The following DDX60 variants were observed in gnomAD, a reference collection of about 807,000 sequenced individuals.
DDX60 encodes the protein probable ATP-dependent RNA helicase DDX60.
A neutral mutation model predicts 212.8 loss-of-function variants in DDX60; 165 were observed. That is an observed-to-expected ratio of 0.78 (90% CI 0.68 to 0.88). The LOEUF (loss-of-function observed/expected upper bound fraction) is 0.88. Ranked by LOEUF, DDX60 falls within the 40% of genes least tolerant of loss-of-function variation. The pLI is 0.00. For synonymous variants in DDX60, 703 were observed against 685.3 expected (o/e 1.03, Z -0.40); for missense variants, 1,905 against 2,003.9 (o/e 0.95, Z 0.94).
At chr4:168,294,384 G>A (rs1736248984) in intron 6 of DDX60, among the ~76,000 whole-genome samples, 1 of 152,032 alleles carries the variant, frequency 6.6e-6, no homozygotes, top group African/African-American at 2.4e-5. Flanking sequence ...CAAAAGCACA[G>A]GCAACAAAAG....
At chr4:168,312,747 T>TAGATAGATAGATAGATAGATAGATA (rs915120579) in intron 1 of DDX60, among the ~76,000 whole-genome samples, 16 of 144,440 alleles carry the variant, frequency 1.1e-4, no homozygotes, top group African/African-American at 3.9e-4. Flanking sequence ...GATAGATAGA[T>TAGATAGATAGATAGATAGATAGATA]ATGATAGAGA....
At chr4:168,257,750 T>C (rs1446043889) in intron 25 of DDX60, among the ~76,000 whole-genome samples, 2 of 152,218 alleles carry the variant, frequency 1.3e-5, no homozygotes, top group South Asian at 2.1e-4. Context: ...TCCAAATATG[T>C]TGACTATATT....
chr4:168,217,046 A>G lies in DDX60; in HGVS notation c.5040-14T>C. 6.4e-7 allele frequency: 1 copy of G among 1,563,092 alleles called. No individual in the cohort carries two copies. Among genetic ancestry groups the G allele is most frequent in the Non-Finnish European group, 8.8e-7 (1 of 1,141,368 alleles). ...CGCAAGGAAACACTGGAAATGGGGA[A>G]AAAAATATAGGATCCACTTTAGTGA... is the stretch of plus-strand genomic sequence containing the variant. On this transcript the variant is annotated splice_polypyrimidine_tract_variant and intron_variant, in intron 37 of 37. Transcript: ENST00000393743.
At chr4:168,239,662 CT>C (rs1733770011) in intron 30 of DDX60, among the ~76,000 whole-genome samples, 1 of 151,964 alleles carries the variant, frequency 6.6e-6, no homozygotes, top group African/African-American at 2.4e-5. Context: ...ATGTATATGT[CT>C]CAGGGACGAT....
intron 22 of DDX60, among the ~76,000 whole-genome samples, chr4:168,266,191 T>C (rs1237958073): frequency 1.3e-5 from 2 of 152,226 alleles, no homozygotes; most frequent in Non-Finnish European, 2.9e-5. Context: ...TGCCTCACTT[T>C]CCTCATTGTA....
At position 168,311,310 on chromosome 4, in the gene DDX60, C is replaced by T; in HGVS notation, c.-51G>A. 6.2e-7 allele frequency: 1 copy of T among 1,604,974 alleles called. No homozygotes were observed. Among genetic ancestry groups the T allele is most frequent in the East Asian group, 2.2e-5 (1 of 44,792 alleles). On this transcript the variant is annotated 5_prime_UTR_variant, in exon 2 of 38. Transcript: ENST00000393743. ...CTGAACTGGCAAGTATTAAAGGTAGCAAATACCCTTTATTTTGGTACCTCT... is the reference window on the plus strand; with the variant it reads ...CTGAACTGGCAAGTATTAAAGGTAGTAAATACCCTTTATTTTGGTACCTCT...
Position 168,219,605 on chromosome 4 carries a change from T to A in DDX60, c.5039+1050A>T, listed in dbSNP as rs574390389. 2.6e-5 allele frequency among the ~76,000 whole-genome samples: 4 copies of A among 152,236 alleles called. No individual in the cohort carries two copies. In the East Asian group the frequency reaches 7.7e-4, roughly 29 times the overall value. ...TCCAAACAGGCCGATTCTGCTCAGA[T>A]CCAAGATATAAAAAGAGACTTGATT... On this transcript the variant is annotated intron_variant, in intron 37 of 37. Coordinates refer to ENST00000393743, the MANE Select transcript of DDX60 (RefSeq NM_017631.6).
rs1432714039 is a variant in DDX60, at chr4:168,237,292, T to C, written c.4405A>G (p.Arg1469Gly). 2 of 1,545,682 alleles carry C rather than the reference T, an allele frequency of 1.3e-6. No homozygotes were observed. Among genetic ancestry groups the C allele is most frequent in the South Asian group, 1.3e-5 (1 of 76,204 alleles). ...GLFHDLCQPTRKGSKHFSQDV... is the reference protein window; with the variant it reads ...GLFHDLCQPTGKGSKHFSQDV... The stretch of plus-strand genomic sequence containing the variant: ...TATAAAATCTCAAGCTTACCTTTCC[T>C]GGTTGGCTGACAGAGATCATGGAAG... The change falls in exon 32 of 38, where the codon AGG (arginine) becomes GGG (glycine). Residue 1469 changes from arginine (R) to glycine (G), a missense_variant. Coordinates refer to ENST00000393743, the MANE Select transcript of DDX60 (RefSeq NM_017631.6).
chr4:168,241,030 T>C (rs1314934714), intron 30 of DDX60, among the ~76,000 whole-genome samples: 2 of 152,200 alleles, frequency 1.3e-5, no homozygotes, highest in African/African-American at 2.4e-5. Flanking sequence ...GTTCTCCTAA[T>C]AGTGAATATG....
intron 14 of DDX60, among the ~76,000 whole-genome samples, chr4:168,277,175 C>G (rs1194093186): frequency 6.6e-6 from 1 of 152,158 alleles, no homozygotes; most frequent in African/African-American, 2.4e-5. Context: ...CTCTTCTTTT[C>G]TTTTTTACTA....
At chr4:168,302,759 G>A (rs1363399897) in intron 5 of DDX60, among the ~76,000 whole-genome samples, 1 of 151,976 alleles carries the variant, frequency 6.6e-6, no homozygotes, top group African/African-American at 2.4e-5. Flanking sequence ...AACACTTCCA[G>A]CACCCTCCAA....
chr4:168,294,793 C>T (rs912301864), intron 6 of DDX60, among the ~76,000 whole-genome samples: 8 of 152,128 alleles, frequency 5.3e-5, no homozygotes, highest in South Asian at 2.1e-4. Flanking sequence ...TGAGCCACCG[C>T]GCCCAGCCAA....
At chr4:168,300,553 G>A (rs982707966) in intron 6 of DDX60, among the ~76,000 whole-genome samples, 3 of 151,238 alleles carry the variant, frequency 2.0e-5, no homozygotes, top group South Asian at 2.1e-4. Context: ...AAAAAAAGAA[G>A]CTACGATCTA....
intron 30 of DDX60, among the ~76,000 whole-genome samples, chr4:168,239,369 A>G (rs1222460168): frequency 7.7e-6 from 1 of 129,070 alleles, no homozygotes; most frequent in Non-Finnish European, 1.7e-5. Flanking sequence ...GAGAGATGAT[A>G]GAAGGAAGAT....
At chr4:168,307,961 G>C (rs1736958727) in intron 4 of DDX60, 45 bp downstream of exon 4, 2 of 1,247,086 alleles carry the variant, frequency 1.6e-6, no homozygotes, top group Non-Finnish European at 2.2e-6. Flanking sequence ...GGAAATTTTA[G>C]TTTTAGTTCT....
At chr4:168,237,946 T>A in intron 30 of DDX60, 151 bp from the exon 31 acceptor site, 1 of 543,088 alleles carries the variant, frequency 1.8e-6, no homozygotes, top group Non-Finnish European at 3.1e-6. Flanking sequence ...TTTTATAGTG[T>A]TACATGGCAA....
intron 34 of DDX60, 105 bp downstream of exon 34, chr4:168,225,424 C>CA: frequency 8.1e-7 from 1 of 1,239,708 alleles, no homozygotes; most frequent in East Asian, 2.5e-5. Context: ...CACTTGAGGG[C>CA]AAAATAAACT....
chr4:168,248,589 C>A (rs1278346132), intron 28 of DDX60, among the ~76,000 whole-genome samples: 1 of 152,092 alleles, frequency 6.6e-6, no homozygotes, highest in Non-Finnish European at 1.5e-5. Context: ...AAAATAACCA[C>A]CCCTACCATC....
intron 4 of DDX60, among the ~76,000 whole-genome samples, chr4:168,307,304 G>T (rs2149550586): frequency 6.6e-6 from 1 of 152,140 alleles, no homozygotes; most frequent in South Asian, 2.1e-4. Flanking sequence ...TTACCTTTAG[G>T]TATAGGATTA....
Sources: gnomAD v4.1 joint callset for allele counts (sites outside exome capture counted in the v4.1 genomes callset) on GRCh38, gnomAD v4.1.1 for gene constraint, MANE v1.5 for transcripts, NCBI Gene and HGNC (gene_info 2026-07-23, HGNC 2026-07-21) for gene names.